IL1RAPL2: variants seen among roughly 807,000 people sequenced by gnomAD.
IL1RAPL2 encodes the protein X-linked interleukin-1 receptor accessory protein-like 2.
A neutral mutation model predicts 44.1 loss-of-function variants in IL1RAPL2; 3 were observed. The observed-to-expected ratio is 0.07, with a 90% CI of 0.03 to 0.18. The LOEUF (loss-of-function observed/expected upper bound fraction) is 0.18. IL1RAPL2 is among the 10% of genes least tolerant of loss of function. The pLI, the probability that IL1RAPL2 is intolerant of heterozygous loss-of-function variation, is 1.00. For missense variants in IL1RAPL2, 391 were observed against 496.4 expected, an observed-to-expected ratio of 0.79 and a Z score of 2.02; for synonymous variants, 181 against 178.8, an observed-to-expected ratio of 1.01 and a Z score of -0.10.
In IL1RAPL2 at chrX:105,344,274, G is replaced by A. The variant is rs188609265; in HGVS notation, c.697+76733G>A. Among the ~76,000 whole-genome samples, 6 of 111,921 alleles carry A rather than the reference G, an allele frequency of 5.4e-5. No individual in the cohort carries two copies. The East Asian group carries it at 1.4e-3, about 26-fold the overall frequency. On this transcript the variant is annotated intron_variant, in intron 5 of 10. Coordinates refer to ENST00000372582, the MANE Select transcript of IL1RAPL2 (RefSeq NM_017416.2). ...TATAATAGGACAAAGACAGAGTAAA[G>A]TGTAATGACTTAAACTCGGGCTTTA...
intron 1 of IL1RAPL2, among the ~76,000 whole-genome samples, chrX:104,579,233 A>G (rs1269100486): frequency 3.6e-5 from 4 of 111,990 alleles, no homozygotes; most frequent in African/African-American, 1.3e-4. Flanking sequence ...CAACTCAGCA[A>G]TTCCATTACT....
chrX:105,270,896 G>A (rs1291963069), intron 5 of IL1RAPL2, among the ~76,000 whole-genome samples: 1 of 111,404 alleles, frequency 9.0e-6, no homozygotes, highest in Non-Finnish European at 1.9e-5. Context: ...TGTAAATAGA[G>A]GTTCTTTAAA....
At position 105,391,178 on chromosome X, in the gene IL1RAPL2, GAAT is replaced by G. The variant is rs758588332; in HGVS notation, c.698-93128_698-93126del. On this transcript the variant is annotated intron_variant, in intron 5 of 10. Transcript: ENST00000372582. ...TCACTTATTTATGAGACTTCAGAAT[GAAT>G]AATAATCATGTTATAGGGTGCCTGA... Among the ~76,000 whole-genome samples the G allele has an allele frequency of 3.6e-5, 4 of 111,591 alleles. No homozygotes were observed. The South Asian group carries it at 1.5e-3, about 42-fold the overall frequency.
At chrX:105,165,089 TTTAGA>T (rs2033361279) in intron 2 of IL1RAPL2, among the ~76,000 whole-genome samples, 1 of 111,788 alleles carries the variant, frequency 8.9e-6, no homozygotes, top group African/African-American at 3.2e-5. Flanking sequence ...AGGAAGTTAC[TTTAGA>T]TTATTCTGGA....
At chrX:104,938,215 TATG>T (rs1459310015) in intron 2 of IL1RAPL2, among the ~76,000 whole-genome samples, 1 of 112,414 alleles carries the variant, frequency 8.9e-6, no homozygotes, top group African/African-American at 3.2e-5. Context: ...AAATTTCTCT[TATG>T]ATGTGACTTA....
At chrX:104,586,259 CTGTT>C (rs1332603304) in intron 1 of IL1RAPL2, among the ~76,000 whole-genome samples, 1 of 111,322 alleles carries the variant, frequency 9.0e-6, no homozygotes, top group Non-Finnish European at 1.9e-5. Flanking sequence ...TGAAAAGTGT[CTGTT>C]TGTGTCCTTT....
intron 6 of IL1RAPL2, among the ~76,000 whole-genome samples, chrX:105,622,836 A>G (rs942070396): frequency 9.0e-6 from 1 of 111,312 alleles, no homozygotes; most frequent in African/African-American, 3.3e-5. Flanking sequence ...ATTTTTGAAT[A>G]CATCTACCAC....
chrX:105,128,567 G>C (rs934795945), intron 2 of IL1RAPL2, among the ~76,000 whole-genome samples: 1 of 111,303 alleles, frequency 9.0e-6, no homozygotes, highest in Non-Finnish European at 1.9e-5. Context: ...AAAAGGTATA[G>C]TGTTGTGAGC....
intron 5 of IL1RAPL2, among the ~76,000 whole-genome samples, chrX:105,323,176 G>C (rs778519674): frequency 2.7e-5 from 3 of 112,308 alleles, no homozygotes; most frequent in Non-Finnish European, 5.6e-5. Context: ...ATCTCATGTG[G>C]TGTTTATTGA....
At chrX:104,671,565 T>C (rs372428507) in intron 2 of IL1RAPL2, among the ~76,000 whole-genome samples, 39 of 112,011 alleles carry the variant, frequency 3.5e-4, no homozygotes, top group African/African-American at 1.2e-3. Context: ...ACTTCTATAC[T>C]GGAACTGGTC....
intron 2 of IL1RAPL2, among the ~76,000 whole-genome samples, chrX:104,909,083 T>C (rs1207107472): frequency 9.0e-6 from 1 of 111,676 alleles, no homozygotes; most frequent in Non-Finnish European, 1.9e-5. Context: ...TCTCGCTTCA[T>C]TTCATTCATT....
At chrX:105,266,481 T>A (rs957134510) in intron 4 of IL1RAPL2, among the ~76,000 whole-genome samples, 3 of 112,108 alleles carry the variant, frequency 2.7e-5, no homozygotes, top group Admixed American at 9.5e-5. Context: ...CAATATCTAA[T>A]AAGTAGTCTG....
At chrX:104,795,156 G>A (rs1391251300) in intron 2 of IL1RAPL2, among the ~76,000 whole-genome samples, 3 of 111,676 alleles carry the variant, frequency 2.7e-5, no homozygotes, top group Non-Finnish European at 3.8e-5. Flanking sequence ...TTCTGGCCTG[G>A]AGAATGGTGG....
chrX:105,236,896 G>A (rs2034124594), intron 4 of IL1RAPL2, among the ~76,000 whole-genome samples: 1 of 110,480 alleles, frequency 9.1e-6, no homozygotes, highest in Admixed American at 9.7e-5. Flanking sequence ...TGCACAATGT[G>A]CAGGTTTGTT....
At chrX:105,309,403 A>T (rs1200705568) in intron 5 of IL1RAPL2, among the ~76,000 whole-genome samples, 1 of 110,894 alleles carries the variant, frequency 9.0e-6, no homozygotes, top group African/African-American at 3.3e-5. Flanking sequence ...CTTACTGGTT[A>T]TTCATAGATC....
intron 5 of IL1RAPL2, among the ~76,000 whole-genome samples, chrX:105,288,042 C>T (rs12848065): frequency 9.0e-6 from 1 of 111,129 alleles, no homozygotes; most frequent in Non-Finnish European, 1.9e-5. Flanking sequence ...AGGAGAATCA[C>T]CTAGCAAATG....
At chrX:104,731,318 C>T (rs1477818801) in intron 2 of IL1RAPL2, among the ~76,000 whole-genome samples, 5 of 110,163 alleles carry the variant, frequency 4.5e-5, no homozygotes, top group African/African-American at 1.7e-4. Flanking sequence ...AATGGTAATG[C>T]CTAGGTTTTC....
chrX:105,717,762 T>G (rs765318551), intron 7 of IL1RAPL2, among the ~76,000 whole-genome samples: 10 of 112,040 alleles, frequency 8.9e-5, no homozygotes, highest in Non-Finnish European at 9.4e-5. Context: ...CCACTGGTAC[T>G]CCAACAGTCA....
chrX:105,354,771 C>T, intron 5 of IL1RAPL2, among the ~76,000 whole-genome samples: 1 of 111,665 alleles, frequency 9.0e-6, no homozygotes, highest in Admixed American at 9.5e-5. Flanking sequence ...CAAGTGCTGA[C>T]TCTATTACCA....
Sources: allele counts gnomAD v4.1 joint callset (sites outside exome capture counted in the v4.1 genomes callset), GRCh38; gene constraint gnomAD v4.1.1; transcripts MANE v1.5; gene names NCBI Gene and HGNC (gene_info 2026-07-23, HGNC 2026-07-21).